MEF2C: variants seen among roughly 807,000 people sequenced by gnomAD.
MEF2C encodes the protein myocyte enhancer factor 2C.
Under a neutral mutation model 50.5 loss-of-function variants are expected in MEF2C, and 6 were observed. That is an observed-to-expected ratio of 0.12 (90% confidence interval 0.07 to 0.23). The LOEUF (loss-of-function observed/expected upper bound fraction) is 0.23. MEF2C is among the 10% of genes least tolerant of loss of function. The pLI is 1.00. For missense variants in MEF2C, 276 were observed against 605.0 expected (o/e 0.46, Z 5.70); for synonymous variants, 183 against 228.0 (o/e 0.80, Z 1.78).
chr5:88,804,572 G>A (rs1799600154), intron 3 of MEF2C, 26 bp downstream of exon 3: 1 of 1,610,890 alleles, frequency 6.2e-7, no homozygotes, highest in Non-Finnish European at 8.5e-7. Context: ...GCGGAGGCTT[G>A]GGGCTCACCA....
Position 88,729,198 on chromosome 5 carries a change from C to A in MEF2C, c.964+20G>T. On this transcript the variant is annotated intron_variant, in intron 9 of 10. Coordinates refer to ENST00000504921, the MANE Select transcript of MEF2C (RefSeq NM_002397.5). ...TAAAAAGTATTTAGTGTACTAATTG[C>A]ACATGACAAAGCTACTCACCGGTAC... is the stretch of plus-strand genomic sequence containing the variant. The A allele has an allele frequency of 6.2e-7, 1 of 1,612,192 alleles. No individual in the cohort carries two copies. The highest frequency in any genetic ancestry group is 8.5e-7 in the Non-Finnish European group (1 of 1,178,800).
At chr5:88,765,056 C>CT (rs1779452037) in intron 3 of MEF2C, among the ~76,000 whole-genome samples, 1 of 152,064 alleles carries the variant, frequency 6.6e-6, no homozygotes, top group African/African-American at 2.4e-5. Flanking sequence ...GGCATGGAGT[C>CT]ACAAAGGAAA....
At chr5:88,801,518 A>C (rs576906953) in intron 3 of MEF2C, among the ~76,000 whole-genome samples, 1 of 147,658 alleles carries the variant, frequency 6.8e-6, no homozygotes, top group South Asian at 2.1e-4. Context: ...TTTGAGACGG[A>C]GTCTCACCCT....
chr5:88,737,428 A>G (rs1403307768), intron 6 of MEF2C: 2 of 985,336 alleles, frequency 2.0e-6, no homozygotes, highest in African/African-American at 3.5e-5. Context: ...AAGTGGTAGA[A>G]TTAAACAAGT....
intron 3 of MEF2C, among the ~76,000 whole-genome samples, chr5:88,762,886 C>G (rs1374123098): frequency 6.6e-6 from 1 of 152,064 alleles, no homozygotes; most frequent in Non-Finnish European, 1.5e-5. Context: ...GAGATAACAC[C>G]CCATCTTTAA....
At chr5:88,787,859 T>C (rs1031529803) in intron 3 of MEF2C, among the ~76,000 whole-genome samples, 1 of 152,214 alleles carries the variant, frequency 6.6e-6, no homozygotes, top group African/African-American at 2.4e-5. Flanking sequence ...TTACTACTCA[T>C]TTTTCCTGTG....
At chr5:88,832,054 G>C (rs1046872799) in intron 1 of MEF2C, among the ~76,000 whole-genome samples, 1 of 152,064 alleles carries the variant, frequency 6.6e-6, no homozygotes, top group Non-Finnish European at 1.5e-5. Context: ...TTATCAAGTG[G>C]AACTAAATTT....
chr5:88,825,700 G>C (rs909734132), intron 1 of MEF2C: 2 of 863,132 alleles, frequency 2.3e-6, no homozygotes, highest in African/African-American at 3.7e-5. Flanking sequence ...CAACTTTCCT[G>C]TGTTTCCTAT....
rs566980994 is a variant in MEF2C at position 88,734,061 on chromosome 5, T to TAAA, written c.638-2163_638-2161dup. On this transcript the variant is annotated intron_variant, in intron 6 of 10. Coordinates refer to ENST00000504921, the MANE Select transcript of MEF2C (RefSeq NM_002397.5). ...ACAAACAAAAGAGAGTATGTTCACT[T>TAAA]AAAAAAAAAAAGCTTGACAAAATGG... 3 of 791,550 alleles carry TAAA rather than the reference T, an allele frequency of 3.8e-6. No individual in the cohort carries two copies. In the African/African-American group the frequency reaches 5.8e-5, roughly 15 times the overall value. 49.0% of individuals were successfully genotyped at this position (791,550 alleles called of 1,614,324 possible). A position where few individuals can be genotyped will look rare whatever the true frequency, so the allele number is the denominator to read the frequency against.
At chr5:88,832,724 C>A (rs1422081934) in intron 1 of MEF2C, among the ~76,000 whole-genome samples, 4 of 152,120 alleles carry the variant, frequency 2.6e-5, no homozygotes, top group Non-Finnish European at 4.4e-5. Flanking sequence ...AAAGCAGAAA[C>A]AGTTAAATTA....
chr5:88,732,247 C>T (rs1762000744), intron 6 of MEF2C, among the ~76,000 whole-genome samples: 1 of 152,164 alleles, frequency 6.6e-6, no homozygotes. Flanking sequence ...AATTGACTAG[C>T]TTGGCGGAGG....
intron 6 of MEF2C, chr5:88,736,052 C>T (rs921766759): frequency 3.1e-5 from 31 of 985,236 alleles, no homozygotes; most frequent in Non-Finnish European, 3.7e-5. Context: ...TTTAATCTAC[C>T]AAACTGTCAT....
intron 3 of MEF2C, chr5:88,775,995 G>A (rs1784562883): frequency 6.0e-6 from 1 of 167,518 alleles, no homozygotes; most frequent in Admixed American, 6.5e-5. Context: ...CACTTACTAT[G>A]AACCCTTTTT....
intron 3 of MEF2C, among the ~76,000 whole-genome samples, chr5:88,782,495 G>A (rs549443294): frequency 1.1e-4 from 17 of 151,410 alleles, no homozygotes; most frequent in African/African-American, 2.7e-4. Context: ...CAAGCAAAAC[G>A]AAAACAACAA....
At chr5:88,766,590 C>T in intron 3 of MEF2C, 2 of 963,040 alleles carry the variant, frequency 2.1e-6, no homozygotes, top group Non-Finnish European at 1.2e-6. Context: ...CTTTACATGT[C>T]TGCAGTCTCA....
At chr5:88,799,362 G>A (rs996430245) in intron 3 of MEF2C, among the ~76,000 whole-genome samples, 3 of 152,230 alleles carry the variant, frequency 2.0e-5, no homozygotes, top group Non-Finnish European at 4.4e-5. Context: ...GGAATCTAGA[G>A]AGGCAGTCTG....
intron 1 of MEF2C, among the ~76,000 whole-genome samples, chr5:88,895,197 T>G (rs1044022437): frequency 6.6e-6 from 1 of 152,232 alleles, no homozygotes; most frequent in Admixed American, 6.5e-5. Flanking sequence ...AGTTTCATGC[T>G]TCCAAACAGT....
chr5:88,725,840 C>G (rs1758471560), intron 10 of MEF2C, among the ~76,000 whole-genome samples: 1 of 152,118 alleles, frequency 6.6e-6, no homozygotes, highest in Non-Finnish European at 1.5e-5. Context: ...ACACCCACAT[C>G]AACAAAGTTG....
intron 1 of MEF2C, chr5:88,838,474 GA>G: frequency 2.5e-6 from 2 of 815,450 alleles, no homozygotes; most frequent in Non-Finnish European, 3.0e-6. Context: ...ACAATTCCCG[GA>G]AAAAGAAACC....
Sources: gnomAD v4.1 joint callset for allele counts (sites outside exome capture counted in the v4.1 genomes callset) on GRCh38, gnomAD v4.1.1 for gene constraint, MANE v1.5 for transcripts, NCBI Gene and HGNC (gene_info 2026-07-23, HGNC 2026-07-21) for gene names.